Variants in KLF13 observed in about 807,000 individuals in gnomAD.
The protein encoded by KLF13 is Krueppel-like factor 13.
In KLF13, 8 loss-of-function variants were observed where a neutral mutation model predicts 16.7. That is an observed-to-expected ratio of 0.48 (90% confidence interval 0.28 to 0.87). KLF13 has a LOEUF of 0.87. Ranked by LOEUF, KLF13 falls within the 40% of genes least tolerant of loss-of-function variation. KLF13 has a pLI of 0.10. For synonymous variants in KLF13, 245 were observed against 208.4 expected, an observed-to-expected ratio of 1.18 and a Z score of -1.51; for missense variants, 447 against 452.2, an observed-to-expected ratio of 0.99 and a Z score of 0.10.
chr15:31,341,046 C>T (rs986518946), intron 1 of KLF13, among the ~76,000 whole-genome samples: 8 of 152,144 alleles, frequency 5.3e-5, no homozygotes, highest in African/African-American at 1.4e-4. Context: ...TGCTGTGTCT[C>T]TCTTATTGGA....
At chr15:31,380,757 AG>A (rs1409036020), downstream of KLF13, among the ~76,000 whole-genome samples, 4 of 152,238 alleles carry the variant, frequency 2.6e-5, no homozygotes, top group Non-Finnish European at 4.4e-5. Flanking sequence ...TACTCCTGGC[AG>A]GGCTGCTATC....
chr15:31,381,126 C>T (rs546759514), downstream of KLF13, among the ~76,000 whole-genome samples: 3 of 138,110 alleles, frequency 2.2e-5, no homozygotes, highest in East Asian at 4.4e-4. Context: ...GAGCGAAGAT[C>T]GCGCCATTGC....
intron 1 of KLF13, among the ~76,000 whole-genome samples, chr15:31,361,198 G>A (rs1249986614): frequency 6.6e-6 from 1 of 152,208 alleles, no homozygotes; most frequent in Non-Finnish European, 1.5e-5. Context: ...TAGCCTCGCC[G>A]CACTGTGGGT....
intron 1 of KLF13, among the ~76,000 whole-genome samples, chr15:31,328,353 C>T (rs548190340): frequency 3.9e-5 from 6 of 151,932 alleles, no homozygotes; most frequent in Non-Finnish European, 5.9e-5. Flanking sequence ...GTAATTTTTC[C>T]AGCGCTCTAA....
chr15:31,421,836 G>A (rs753551912), intron 1 of KLF13, among the ~76,000 whole-genome samples: 3 of 152,056 alleles, frequency 2.0e-5, no homozygotes, highest in East Asian at 1.9e-4. Flanking sequence ...AGGGCTGGCC[G>A]AGCGCGGTGG....
chr15:31,407,257 C>T (rs1044561869), downstream of KLF13, among the ~76,000 whole-genome samples: 25 of 152,246 alleles, frequency 1.6e-4, no homozygotes, highest in African/African-American at 5.5e-4. Context: ...ATAGGAGGAT[C>T]GCTTGAACCA....
intron 1 of KLF13, among the ~76,000 whole-genome samples, chr15:31,348,384 G>A (rs1252913650): frequency 6.6e-6 from 1 of 152,216 alleles, no homozygotes; most frequent in Admixed American, 6.5e-5. Flanking sequence ...ACACACGCAC[G>A]CCGCACCACA....
chr15:31,340,782 T>A (rs1301422451), intron 1 of KLF13, among the ~76,000 whole-genome samples: 1 of 152,040 alleles, frequency 6.6e-6, no homozygotes, highest in Non-Finnish European at 1.5e-5. Context: ...GGCAGGAGGA[T>A]CACTTGAGCC....
intron 1 of KLF13, among the ~76,000 whole-genome samples, chr15:31,428,634 G>A (rs948796536): frequency 4.0e-5 from 6 of 151,616 alleles, no homozygotes; most frequent in African/African-American, 1.5e-4. Flanking sequence ...GTGAAACCCC[G>A]TCTCTACTAA....
chr15:31,327,443 G>T lies in KLF13; in HGVS notation c.231G>T (p.Ala77=). ...CGGACCTCAACCAGCAAGCGCCGGC[G>T]CCCGCCCCGGCGGAGCGCAGGGAGG... ...ILADLNQQAP[A]PAPAERREGA... Residue 77 remains alanine, a synonymous_variant, in exon 1 of 2, where the codon GCG becomes GCT. Transcript: ENST00000307145. 3.3e-6 allele frequency: 4 copies of T among 1,213,130 alleles called. No homozygotes were observed. The highest frequency in any genetic ancestry group is 2.7e-5 in the South Asian group (1 of 37,662). The allele number at this position is 1,213,130 out of a possible 1,614,324, so 75.1% of individuals were successfully genotyped here.
At chr15:31,411,714 A>T (rs1233918535) in intron 1 of KLF13, among the ~76,000 whole-genome samples, 1 of 152,086 alleles carries the variant, frequency 6.6e-6, no homozygotes, top group Non-Finnish European at 1.5e-5. Flanking sequence ...CCAAACAAAA[A>T]TTTTTTAAAA....
chr15:31,351,875 T>C (rs1156423350), intron 1 of KLF13, among the ~76,000 whole-genome samples: 1 of 151,980 alleles, frequency 6.6e-6, no homozygotes, highest in Non-Finnish European at 1.5e-5. Context: ...TAGCTGGGTG[T>C]GGTGGCGGAC....
Position 31,327,101 on chromosome 15 carries a change from A to T in KLF13, c.-112A>T. 2.8e-5 allele frequency: 15 copies of T among 539,676 alleles called. No individual in the cohort carries two copies. The highest frequency in any genetic ancestry group is 3.4e-5 in the Non-Finnish European group (14 of 407,236). The allele number at this position is 539,676 out of a possible 1,614,324, so 33.4% of individuals were successfully genotyped here. On this transcript the variant is annotated 5_prime_UTR_variant, in exon 1 of 2. Transcript: ENST00000307145. Reference sequence around the variant, plus strand: ...GCCCAGCCCAGCCCAGCCCAGCCCGAGGAGAGGGCGCGCCGCGCCCCCGCC... The same window carrying T: ...GCCCAGCCCAGCCCAGCCCAGCCCGTGGAGAGGGCGCGCCGCGCCCCCGCC...
chr15:31,343,361 C>G (rs1036336253), intron 1 of KLF13, among the ~76,000 whole-genome samples: 3 of 152,228 alleles, frequency 2.0e-5, no homozygotes, highest in African/African-American at 7.2e-5. Context: ...GCAGTGCCCA[C>G]AGACAAGGCT....
At chr15:31,434,159 T>C (rs2040503480) in intron 1 of KLF13, among the ~76,000 whole-genome samples, 1 of 152,192 alleles carries the variant, frequency 6.6e-6, no homozygotes, top group Admixed American at 6.5e-5. Context: ...TCGCGTCCGT[T>C]ACTTCATCTC....
chr15:31,399,766 C>T (rs973385722), intron 2 of KLF13, among the ~76,000 whole-genome samples: 2 of 152,224 alleles, frequency 1.3e-5, no homozygotes, highest in Non-Finnish European at 2.9e-5. Context: ...GAGGGAGGGT[C>T]TTCTGGCTTA....
At chr15:31,367,893 A>C (rs1017593725) in intron 1 of KLF13, among the ~76,000 whole-genome samples, 1 of 152,200 alleles carries the variant, frequency 6.6e-6, no homozygotes, top group African/African-American at 2.4e-5. Context: ...TGGGTGGCTG[A>C]AAAGCAACCG....
chr15:31,353,301 G>T (rs187976129), intron 1 of KLF13, among the ~76,000 whole-genome samples: 6 of 152,306 alleles, frequency 3.9e-5, no homozygotes, highest in African/African-American at 7.2e-5. Context: ...TCACGCCCAC[G>T]TTAAGTGCGT....
At chr15:31,384,478 C>G (rs2039770938) in intron 1 of KLF13, among the ~76,000 whole-genome samples, 1 of 152,160 alleles carries the variant, frequency 6.6e-6, no homozygotes, top group African/African-American at 2.4e-5. Context: ...GCAATTGTTA[C>G]CTTTAGGTAG....
Sources: gnomAD v4.1 joint callset for allele counts (sites outside exome capture counted in the v4.1 genomes callset) on GRCh38, gnomAD v4.1.1 for gene constraint, MANE v1.5 for transcripts, NCBI Gene and HGNC (gene_info 2026-07-23, HGNC 2026-07-21) for gene names.